Variants in PARD3B observed in about 807,000 individuals in gnomAD.
The protein encoded by PARD3B is partitioning defective 3 homolog B.
PARD3B carries 103 observed loss-of-function variants against 130.2 expected under a neutral mutation model. The observed-to-expected ratio is 0.79, with a 90% CI of 0.67 to 0.93. The LOEUF is 0.93. PARD3B is among the 40% of genes least tolerant of loss of function. The pLI is 0.00. For synonymous variants in PARD3B, 583 were observed against 553.2 expected (o/e 1.05, Z -0.76); for missense variants, 1,609 against 1,499.2 (o/e 1.07, Z -1.21).
At chr2:205,195,412 A>G (rs968429416) in intron 15 of PARD3B, among the ~76,000 whole-genome samples, 4 of 152,218 alleles carry the variant, frequency 2.6e-5, no homozygotes, top group African/African-American at 9.6e-5. Context: ...AAGAAGTACC[A>G]GGCTAAAGCC....
intron 2 of PARD3B, among the ~76,000 whole-genome samples, chr2:204,858,483 A>G (rs1361421172): frequency 6.7e-6 from 1 of 150,072 alleles, no homozygotes; most frequent in Non-Finnish European, 1.5e-5. Context: ...ACATGAACTC[A>G]CTTATATGTG....
chr2:205,064,552 A>G (rs1003779460), intron 4 of PARD3B, among the ~76,000 whole-genome samples: 13 of 152,116 alleles, frequency 8.5e-5, no homozygotes, highest in African/African-American at 3.1e-4. Flanking sequence ...GGGTGTGGGG[A>G]ATGTTCTGCA....
At chr2:204,710,762 A>G (rs1370309173) in intron 2 of PARD3B, among the ~76,000 whole-genome samples, 1 of 152,200 alleles carries the variant, frequency 6.6e-6, no homozygotes, top group African/African-American at 2.4e-5. Flanking sequence ...GGGTCCTGGA[A>G]TCTGTATGGC....
intron 18 of PARD3B, among the ~76,000 whole-genome samples, chr2:205,315,553 C>T (rs2042537130): frequency 1.3e-5 from 2 of 152,126 alleles, no homozygotes; most frequent in Non-Finnish European, 2.9e-5. Context: ...GCCTGGGAAT[C>T]GCTGATGATT....
intron 21 of PARD3B, among the ~76,000 whole-genome samples, chr2:205,535,775 T>C (rs2051825403): frequency 6.6e-6 from 1 of 152,194 alleles, no homozygotes; most frequent in African/African-American, 2.4e-5. Flanking sequence ...CCTCAGGCAA[T>C]AGCCAAGCTC....
intron 18 of PARD3B, among the ~76,000 whole-genome samples, chr2:205,380,860 T>TA (rs1448649956): frequency 9.7e-6 from 1 of 103,248 alleles, no homozygotes; most frequent in African/African-American, 4.0e-5. Context: ...GAATACATTA[T>TA]ATATAATATA....
chr2:205,510,804 C>A (rs2050559962), intron 21 of PARD3B, among the ~76,000 whole-genome samples: 1 of 152,152 alleles, frequency 6.6e-6, no homozygotes, highest in African/African-American at 2.4e-5. Context: ...ATACTACAAC[C>A]AGATCGTTAA....
intron 22 of PARD3B, among the ~76,000 whole-genome samples, chr2:205,554,103 GC>G (rs2052771931): frequency 6.6e-6 from 1 of 152,208 alleles, no homozygotes; most frequent in Admixed American, 6.5e-5. Context: ...AAGAGTACAT[GC>G]AGTCCAGCTA....
intron 1 of PARD3B, among the ~76,000 whole-genome samples, chr2:204,616,920 G>A (rs189719600): frequency 1.2e-4 from 19 of 152,294 alleles, no homozygotes; most frequent in Admixed American, 1.0e-3. Context: ...TCAGTGTGCA[G>A]TATGTGTTAA....
chr2:204,577,120 A>C (rs2032304518), intron 1 of PARD3B, among the ~76,000 whole-genome samples: 1 of 152,258 alleles, frequency 6.6e-6, no homozygotes, highest in Non-Finnish European at 1.5e-5. Flanking sequence ...TAACTTATTT[A>C]CATATCTTTG....
At chr2:205,402,954 C>T (rs548550374) in intron 19 of PARD3B, among the ~76,000 whole-genome samples, 11 of 152,230 alleles carry the variant, frequency 7.2e-5, no homozygotes, top group African/African-American at 2.2e-4. Context: ...CTGAGAGCCA[C>T]GGATGGTGGA....
intron 1 of PARD3B, among the ~76,000 whole-genome samples, chr2:204,651,506 G>C (rs748752150): frequency 6.6e-6 from 1 of 152,260 alleles, no homozygotes; most frequent in Admixed American, 6.5e-5. Context: ...CTCTGCCCCT[G>C]TGGCTCTGCA....
intron 2 of PARD3B, among the ~76,000 whole-genome samples, chr2:204,856,514 T>C (rs538150947): frequency 2.0e-5 from 3 of 152,308 alleles, no homozygotes; most frequent in Admixed American, 6.5e-5. Flanking sequence ...AACTGTTTCC[T>C]TTGTTGTGCA....
intron 4 of PARD3B, among the ~76,000 whole-genome samples, chr2:205,059,554 T>C (rs6754606): frequency 0.11 from 16,018 of 152,032 alleles, 889 homozygotes; most frequent in Non-Finnish European, 0.11. Context: ...AATTTACCAC[T>C]TCCCACTGAT....
At chr2:205,252,333 TC>T (rs1248856315) in intron 16 of PARD3B, among the ~76,000 whole-genome samples, 1 of 152,166 alleles carries the variant, frequency 6.6e-6, no homozygotes, top group East Asian at 1.9e-4. Flanking sequence ...TAAGACAAGT[TC>T]TCAGCCTTAT....
intron 2 of PARD3B, among the ~76,000 whole-genome samples, chr2:204,732,250 G>T (rs1293410236): frequency 1.3e-5 from 2 of 152,120 alleles, no homozygotes. Context: ...ATTCTTAGAC[G>T]CAGTACCACT....
chr2:204,897,375 T>C (rs1008751953), intron 2 of PARD3B, among the ~76,000 whole-genome samples: 1 of 131,840 alleles, frequency 7.6e-6, no homozygotes, highest in South Asian at 2.5e-4. Context: ...CTATTAAACC[T>C]GTAGGTACTG....
At chr2:204,908,884 T>G (rs2047131279) in intron 2 of PARD3B, among the ~76,000 whole-genome samples, 1 of 152,234 alleles carries the variant, frequency 6.6e-6, no homozygotes, top group Admixed American at 6.5e-5. Context: ...ATAGTGAATT[T>G]GACTTGGGTA....
chr2:205,487,983 G>A (rs1287194449), intron 20 of PARD3B, among the ~76,000 whole-genome samples: 1 of 152,106 alleles, frequency 6.6e-6, no homozygotes, highest in Non-Finnish European at 1.5e-5. Flanking sequence ...AGTTCAAGAA[G>A]GTGAACGATA....
Sources: allele counts gnomAD v4.1 joint callset (sites outside exome capture counted in the v4.1 genomes callset), GRCh38; gene constraint gnomAD v4.1.1; transcripts MANE v1.5; gene names NCBI Gene and HGNC (gene_info 2026-07-23, HGNC 2026-07-21).